Variants in WDR41 observed in about 807,000 individuals in gnomAD.
WDR41 encodes WD repeat-containing protein 41.
In WDR41, 63 loss-of-function variants were observed where a neutral mutation model predicts 69.3. That is an observed-to-expected ratio of 0.91 (90% CI 0.74 to 1.12). The LOEUF is 1.12. Ranked by LOEUF, WDR41 falls within the 50% of genes most tolerant of loss-of-function variation. The probability of loss-of-function intolerance (pLI) is 0.00; values close to 1 mark genes in which losing one functional copy is unlikely to be tolerated. For missense variants in WDR41, 543 were observed against 534.5 expected (o/e 1.02, Z -0.16); for synonymous variants, 185 against 192.1 (o/e 0.96, Z 0.31).
chr5:77,529,773 G>C (rs907212879), intron 1 of WDR41, among the ~76,000 whole-genome samples: 1 of 151,546 alleles, frequency 6.6e-6, no homozygotes, highest in African/African-American at 2.4e-5. Flanking sequence ...TGGGGAAATA[G>C]TGATCTTTAA....
upstream of WDR41, chr5:77,492,514 G>C (rs950627151): frequency 1.3e-4 from 50 of 371,316 alleles, no homozygotes; most frequent in Middle Eastern, 7.1e-4. Flanking sequence ...GAGTGAGCAC[G>C]CGCGGGAGCG....
At chr5:77,540,167 A>T (rs957409020) in intron 1 of WDR41, among the ~76,000 whole-genome samples, 14 of 152,222 alleles carry the variant, frequency 9.2e-5, no homozygotes, top group African/African-American at 3.4e-4. Context: ...CTGTAAAGCG[A>T]GAGGGTGTCA....
At chr5:77,487,857 A>G (rs1801592379) in intron 2 of WDR41, among the ~76,000 whole-genome samples, 1 of 152,200 alleles carries the variant, frequency 6.6e-6, no homozygotes, top group Non-Finnish European at 1.5e-5. Context: ...GATTCAAACA[A>G]TCATGCCTAC....
chr5:77,541,855 A>G (rs1416993055), intron 1 of WDR41, among the ~76,000 whole-genome samples: 1 of 152,224 alleles, frequency 6.6e-6, no homozygotes, highest in African/African-American at 2.4e-5. Context: ...TGTGGAAGAC[A>G]GTATGGCAAT....
At chr5:77,564,416 T>C (rs1743582652) in intron 1 of WDR41, among the ~76,000 whole-genome samples, 2 of 152,152 alleles carry the variant, frequency 1.3e-5, no homozygotes, top group South Asian at 4.1e-4. Flanking sequence ...TTGCATTTTT[T>C]CACAATAAAT....
intron 1 of WDR41, among the ~76,000 whole-genome samples, chr5:77,549,813 C>G (rs1355439585): frequency 6.6e-6 from 1 of 152,030 alleles, no homozygotes; most frequent in Non-Finnish European, 1.5e-5. Flanking sequence ...AAGAGTGAAG[C>G]AGGAGGCATC....
intron 1 of WDR41, among the ~76,000 whole-genome samples, chr5:77,611,506 T>C (rs998738935): frequency 6.6e-6 from 1 of 152,102 alleles, no homozygotes; most frequent in Non-Finnish European, 1.5e-5. Context: ...AGAAACTCAC[T>C]CAAAACCGCT....
chr5:77,565,223 T>C (rs1167409108), intron 1 of WDR41, among the ~76,000 whole-genome samples: 3 of 152,194 alleles, frequency 2.0e-5, no homozygotes, highest in African/African-American at 7.2e-5. Flanking sequence ...ATGATTTCAA[T>C]TGATTTCATG....
At chr5:77,608,983 C>T (rs913071632) in intron 1 of WDR41, among the ~76,000 whole-genome samples, 18 of 152,322 alleles carry the variant, frequency 1.2e-4, no homozygotes, top group Admixed American at 2.6e-4. Flanking sequence ...GCTTAAAAAA[C>T]GGCGCACCGG....
At chr5:77,436,691 C>G (rs1798948039) in intron 11 of WDR41, among the ~76,000 whole-genome samples, 1 of 152,108 alleles carries the variant, frequency 6.6e-6, no homozygotes, top group Non-Finnish European at 1.5e-5. Flanking sequence ...CAGTGTCTAA[C>G]TGTCAAGGGA....
At chr5:77,561,741 C>G (rs186731280) in intron 1 of WDR41, among the ~76,000 whole-genome samples, 161 of 152,196 alleles carry the variant, frequency 1.1e-3, no homozygotes, top group African/African-American at 3.7e-3. Flanking sequence ...CAATGACATA[C>G]TTTTCAAAGC....
intron 1 of WDR41, among the ~76,000 whole-genome samples, chr5:77,514,922 T>C (rs1475126765): frequency 1.3e-5 from 2 of 152,202 alleles, no homozygotes; most frequent in African/African-American, 2.4e-5. Context: ...TTACCATGAA[T>C]GTAGCCTGAA....
intron 1 of WDR41, among the ~76,000 whole-genome samples, chr5:77,609,317 C>G (rs1046333138): frequency 3.3e-5 from 5 of 152,118 alleles, no homozygotes; most frequent in Non-Finnish European, 5.9e-5. Context: ...TCTCCCAGCA[C>G]GCAGCTGGAG....
intron 1 of WDR41, among the ~76,000 whole-genome samples, chr5:77,562,206 T>C (rs1743540399): frequency 6.6e-6 from 1 of 152,186 alleles, no homozygotes; most frequent in Non-Finnish European, 1.5e-5. Context: ...GTGCTTTCCA[T>C]GCACTAATGG....
chr5:77,472,613 A>T (rs1800678227), intron 2 of WDR41, among the ~76,000 whole-genome samples: 1 of 152,186 alleles, frequency 6.6e-6, no homozygotes, highest in Non-Finnish European at 1.5e-5. Flanking sequence ...AATCACAAGC[A>T]TTCTTTTACA....
rs1799552011 is a variant in WDR41, at chr5:77,449,823, T to C, written c.634A>G (p.Ile212Val). The C allele has an allele frequency of 6.2e-7, 1 of 1,613,718 alleles. No homozygotes were observed. Among genetic ancestry groups the C allele is most frequent in the Non-Finnish European group, 8.5e-7 (1 of 1,179,840 alleles). The stretch of plus-strand genomic sequence containing the variant: ...TCAAGGAGGCGCTTAACTTCAAGAA[T>C]ATCCCATTCTAGTGATCCTTCTGTG... Reference protein sequence around the residue: ...APTEGSLEWDILEVKRLLDHQ... With the variant: ...APTEGSLEWDVLEVKRLLDHQ... Residue 212 changes from isoleucine to valine, a missense_variant, in exon 8 of 13, where the codon ATT (isoleucine) becomes GTT (valine). Transcript: ENST00000296679.
At chr5:77,453,759 A>T in intron 6 of WDR41, 58 bp downstream of exon 6, 1 of 1,375,434 alleles carries the variant, frequency 7.3e-7, no homozygotes, top group Non-Finnish European at 1.0e-6. Context: ...CTCTCTGAAG[A>T]TCTGCTGTGT....
chr5:77,454,937 TTGAC>T (rs1340381237), intron 5 of WDR41, among the ~76,000 whole-genome samples: 1 of 152,216 alleles, frequency 6.6e-6, no homozygotes, highest in East Asian at 1.9e-4. Flanking sequence ...GTTTCCATTT[TTGAC>T]TATTATTAAT....
intron 1 of WDR41, among the ~76,000 whole-genome samples, chr5:77,500,886 A>C (rs116629338): frequency 5.9e-4 from 90 of 152,374 alleles, no homozygotes; most frequent in African/African-American, 2.1e-3. Context: ...CCCTGCTCTC[A>C]AGAAACATAT....
Sources: allele counts gnomAD v4.1 joint callset (sites outside exome capture counted in the v4.1 genomes callset), GRCh38; gene constraint gnomAD v4.1.1; transcripts MANE v1.5; gene names NCBI Gene and HGNC (gene_info 2026-07-23, HGNC 2026-07-21).